The following GALNTL6 variants were observed in gnomAD, a reference collection of about 807,000 sequenced individuals.
GALNTL6 encodes the protein polypeptide N-acetylgalactosaminyltransferase like 6.
Under a neutral mutation model 73.7 loss-of-function variants are expected in GALNTL6, and 46 were observed. That is an observed-to-expected ratio of 0.62 (90% confidence interval 0.49 to 0.80). The LOEUF (loss-of-function observed/expected upper bound fraction) is 0.80, where lower values mean the gene tolerates loss of function less well. GALNTL6 is among the 30% of genes least tolerant of loss of function. The probability of loss-of-function intolerance (pLI) is 0.00; values close to 1 mark genes in which losing one functional copy is unlikely to be tolerated. For missense variants in GALNTL6, 604 were observed against 755.0 expected (o/e 0.80, Z 2.34); for synonymous variants, 259 against 263.7 (o/e 0.98, Z 0.17).
At chr4:172,603,546 T>C (rs1299542888) in intron 5 of GALNTL6, among the ~76,000 whole-genome samples, 3 of 151,984 alleles carry the variant, frequency 2.0e-5, no homozygotes, top group Non-Finnish European at 4.4e-5. Flanking sequence ...TAAAAACAAA[T>C]ATGAAAATAC....
chr4:172,136,025 T>C (rs1438535366), intron 2 of GALNTL6, among the ~76,000 whole-genome samples: 1 of 152,144 alleles, frequency 6.6e-6, no homozygotes, highest in Non-Finnish European at 1.5e-5. Flanking sequence ...CACTTCTTGT[T>C]TTTAGTTAGG....
chr4:172,358,376 G>A (rs192682352), intron 5 of GALNTL6, among the ~76,000 whole-genome samples: 16 of 152,374 alleles, frequency 1.1e-4, no homozygotes, highest in South Asian at 1.0e-3. Flanking sequence ...ACTGCTTTGC[G>A]TAAGTTCATG....
At chr4:171,914,353 A>T (rs1352752397) in intron 2 of GALNTL6, among the ~76,000 whole-genome samples, 1 of 152,140 alleles carries the variant, frequency 6.6e-6, no homozygotes. Context: ...AAGGAAAAAC[A>T]AAACCAACTT....
chr4:171,905,906 T>G (rs1450766770), intron 2 of GALNTL6, among the ~76,000 whole-genome samples: 1 of 150,164 alleles, frequency 6.7e-6, no homozygotes, highest in Non-Finnish European at 1.5e-5. Flanking sequence ...GGGTACATAA[T>G]GAAATGAAGG....
chr4:172,032,003 C>T (rs1741785713), intron 2 of GALNTL6, among the ~76,000 whole-genome samples: 1 of 152,028 alleles, frequency 6.6e-6, no homozygotes, highest in Non-Finnish European at 1.5e-5. Context: ...GCATTTAAGT[C>T]AGCATTACTT....
intron 2 of GALNTL6, among the ~76,000 whole-genome samples, chr4:171,936,896 A>G (rs1738365187): frequency 6.6e-6 from 1 of 152,208 alleles, no homozygotes; most frequent in Admixed American, 6.5e-5. Context: ...CTCTATGATT[A>G]CATCATAGAG....
chr4:172,361,537 A>T (rs767073925), intron 5 of GALNTL6, among the ~76,000 whole-genome samples: 34 of 152,234 alleles, frequency 2.2e-4, no homozygotes, highest in Non-Finnish European at 4.7e-4. Flanking sequence ...AAGCTTATGG[A>T]TTCTGGGTCT....
chr4:172,005,623 T>G (rs1740820473), intron 2 of GALNTL6, among the ~76,000 whole-genome samples: 1 of 152,074 alleles, frequency 6.6e-6, no homozygotes, highest in Non-Finnish European at 1.5e-5. Context: ...TGTGTATATA[T>G]TTACACACAC....
At chr4:172,868,510 A>T (rs1193004342) in intron 7 of GALNTL6, among the ~76,000 whole-genome samples, 1 of 152,250 alleles carries the variant, frequency 6.6e-6, no homozygotes, top group Non-Finnish European at 1.5e-5. Context: ...TTTAAGATGC[A>T]TACTATTGTA....
intron 10 of GALNTL6, among the ~76,000 whole-genome samples, chr4:172,954,110 T>C (rs1749598005): frequency 6.6e-6 from 1 of 152,272 alleles, no homozygotes; most frequent in Non-Finnish European, 1.5e-5. Context: ...ACTACAGGGC[T>C]AAAATCTCAT....
chr4:172,212,012 T>C (rs1736338848), intron 2 of GALNTL6, among the ~76,000 whole-genome samples: 1 of 152,166 alleles, frequency 6.6e-6, no homozygotes, highest in African/African-American at 2.4e-5. Context: ...GTTTGTTTTG[T>C]GTTGTTTGTC....
intron 5 of GALNTL6, among the ~76,000 whole-genome samples, chr4:172,349,812 C>T (rs1204448425): frequency 2.2e-5 from 3 of 139,516 alleles, no homozygotes; most frequent in South Asian, 2.2e-4. Flanking sequence ...AGCGAGACTT[C>T]GTCTCAAATT....
chr4:172,753,779 A>T (rs1737572412), intron 5 of GALNTL6, among the ~76,000 whole-genome samples: 1 of 152,166 alleles, frequency 6.6e-6, no homozygotes. Context: ...GGAGAAGCTA[A>T]GCAAAATATT....
intron 5 of GALNTL6, among the ~76,000 whole-genome samples, chr4:172,411,830 T>C (rs1362373183): frequency 6.6e-6 from 1 of 152,094 alleles, no homozygotes; most frequent in African/African-American, 2.4e-5. Flanking sequence ...TGCCAGTTGC[T>C]TTATAGGCCC....
At chr4:172,770,848 T>A (rs556051836) in intron 5 of GALNTL6, among the ~76,000 whole-genome samples, 1 of 152,328 alleles carries the variant, frequency 6.6e-6, no homozygotes, top group African/African-American at 2.4e-5. Context: ...GTTATCATCA[T>A]ACTAACAAGA....
intron 5 of GALNTL6, among the ~76,000 whole-genome samples, chr4:172,716,822 T>C (rs1735132726): frequency 6.6e-6 from 1 of 152,210 alleles, no homozygotes; most frequent in Non-Finnish European, 1.5e-5. Flanking sequence ...CGCCTAAGTC[T>C]CACTATGGAA....
intron 5 of GALNTL6, among the ~76,000 whole-genome samples, chr4:172,528,062 CTT>C (rs540479911): frequency 6.6e-6 from 1 of 151,640 alleles, no homozygotes; most frequent in South Asian, 2.1e-4. Context: ...CAGATAGTAA[CTT>C]AATTCTGAAA....
chr4:172,746,403 T>C (rs1309561588), intron 5 of GALNTL6, among the ~76,000 whole-genome samples: 1 of 152,102 alleles, frequency 6.6e-6, no homozygotes, highest in Non-Finnish European at 1.5e-5. Context: ...AGTATGAAAA[T>C]TAAAATAAAC....
chr4:172,420,966 A>T (rs1731034174), intron 5 of GALNTL6, among the ~76,000 whole-genome samples: 1 of 152,054 alleles, frequency 6.6e-6, no homozygotes, highest in Non-Finnish European at 1.5e-5. Flanking sequence ...TAACAATGAG[A>T]ACACATGGAC....
Sources: gnomAD v4.1 joint callset for allele counts (sites outside exome capture counted in the v4.1 genomes callset) on GRCh38, gnomAD v4.1.1 for gene constraint, MANE v1.5 for transcripts, NCBI Gene and HGNC (gene_info 2026-07-23, HGNC 2026-07-21) for gene names.